The following MARCHF1 variants were observed in gnomAD, a reference collection of about 807,000 sequenced individuals.
The protein encoded by MARCHF1 is E3 ubiquitin-protein ligase MARCHF1.
A neutral mutation model predicts 54.2 loss-of-function variants in MARCHF1; 40 were observed. The observed-to-expected ratio is 0.74, with a 90% CI of 0.57 to 0.96. The LOEUF (loss-of-function observed/expected upper bound fraction) is 0.96, where lower values mean the gene tolerates loss of function less well. Ranked by LOEUF, MARCHF1 falls within the 40% of genes least tolerant of loss-of-function variation. The pLI is 0.00. For missense variants in MARCHF1, 586 were observed against 656.5 expected (o/e 0.89, Z 1.17); for synonymous variants, 236 against 236.3 (o/e 1.00, Z 0.01).
intron 1 of MARCHF1, among the ~76,000 whole-genome samples, chr4:164,168,117 C>A (rs1730427473): frequency 6.6e-6 from 1 of 151,830 alleles, no homozygotes; most frequent in Non-Finnish European, 1.5e-5. Context: ...ATCTGAACAG[C>A]CATTTCTCCA....
At chr4:164,001,978 T>A (rs1753194810) in intron 2 of MARCHF1, among the ~76,000 whole-genome samples, 1 of 151,766 alleles carries the variant, frequency 6.6e-6, no homozygotes, top group Admixed American at 6.6e-5. Flanking sequence ...ACTTATAGAA[T>A]CATAAGATAT....
intron 5 of MARCHF1, among the ~76,000 whole-genome samples, chr4:163,673,172 T>C (rs17044016): frequency 0.019 from 2,883 of 152,286 alleles, 93 homozygotes; most frequent in African/African-American, 0.066. Context: ...GCAACTAATT[T>C]TCATGTACTC....
At chr4:164,346,744 A>G (rs1232521022) in intron 1 of MARCHF1, among the ~76,000 whole-genome samples, 1 of 150,844 alleles carries the variant, frequency 6.6e-6, no homozygotes, top group Non-Finnish European at 1.5e-5. Flanking sequence ...ATGGAATTAA[A>G]CAATGGCTTT....
intron 1 of MARCHF1, among the ~76,000 whole-genome samples, chr4:164,368,941 G>A (rs1343827124): frequency 5.3e-5 from 8 of 152,182 alleles, no homozygotes; most frequent in Non-Finnish European, 1.0e-4. Flanking sequence ...TATTAGACAC[G>A]GAAACTTTAG....
intron 1 of MARCHF1, among the ~76,000 whole-genome samples, chr4:164,304,734 T>A: frequency 6.6e-6 from 1 of 152,284 alleles, no homozygotes; most frequent in Non-Finnish European, 1.5e-5. Context: ...AATATCTACA[T>A]GAAAATTTTG....
chr4:163,843,161 C>A (rs1222316624), intron 4 of MARCHF1, among the ~76,000 whole-genome samples: 1 of 152,082 alleles, frequency 6.6e-6, no homozygotes. Flanking sequence ...ATAATGGCCT[C>A]CAGTTGCATC....
intron 1 of MARCHF1, among the ~76,000 whole-genome samples, chr4:164,199,629 C>G (rs1019696057): frequency 1.6e-5 from 2 of 126,798 alleles, no homozygotes; most frequent in African/African-American, 3.4e-5. Flanking sequence ...GAGCAGGACT[C>G]TGTCACACAC....
intron 2 of MARCHF1, among the ~76,000 whole-genome samples, chr4:164,017,685 C>T (rs923208762): frequency 4.9e-4 from 74 of 151,626 alleles, no homozygotes; most frequent in Non-Finnish European, 6.6e-4. Context: ...TATTATTGTA[C>T]GTTTATTTGA....
intron 5 of MARCHF1, among the ~76,000 whole-genome samples, chr4:163,674,444 G>T (rs571090170): frequency 1.3e-5 from 2 of 152,224 alleles, no homozygotes; most frequent in South Asian, 4.1e-4. Flanking sequence ...TTTCTAAATC[G>T]CCTGGGCCAT....
chr4:163,645,864 T>C (rs1213515822), intron 5 of MARCHF1, among the ~76,000 whole-genome samples: 1 of 152,152 alleles, frequency 6.6e-6, no homozygotes, highest in African/African-American at 2.4e-5. Context: ...ATCATATTAA[T>C]ATATTGCTTT....
intron 5 of MARCHF1, among the ~76,000 whole-genome samples, chr4:163,666,881 G>A (rs1480067728): frequency 6.6e-6 from 1 of 151,986 alleles, no homozygotes; most frequent in Non-Finnish European, 1.5e-5. Flanking sequence ...TTGCATTTTT[G>A]ATGTTCTTGT....
chr4:163,575,433 G>T (rs1301103638), intron 8 of MARCHF1, among the ~76,000 whole-genome samples: 1 of 152,018 alleles, frequency 6.6e-6, no homozygotes, highest in Non-Finnish European at 1.5e-5. Context: ...TTAGGTTTTT[G>T]ATATCTGTTG....
chr4:163,543,480 G>A (rs984761531), intron 9 of MARCHF1, among the ~76,000 whole-genome samples: 6 of 151,756 alleles, frequency 4.0e-5, no homozygotes, highest in Non-Finnish European at 8.8e-5. Flanking sequence ...TATGCATTGC[G>A]ACACGCTGAG....
At chr4:164,079,908 C>T (rs1173051771) in intron 2 of MARCHF1, among the ~76,000 whole-genome samples, 2 of 152,080 alleles carry the variant, frequency 1.3e-5, no homozygotes, top group Non-Finnish European at 2.9e-5. Context: ...ACATTAATAT[C>T]AGTGTGATAG....
chr4:164,354,969 A>C (rs1403573278), intron 1 of MARCHF1, among the ~76,000 whole-genome samples: 1 of 133,752 alleles, frequency 7.5e-6, no homozygotes, highest in Admixed American at 7.8e-5. Flanking sequence ...ATACACCAAC[A>C]ACAGACAAAC....
intron 3 of MARCHF1, among the ~76,000 whole-genome samples, chr4:163,982,541 G>T (rs1011120435): frequency 1.3e-5 from 2 of 152,174 alleles, no homozygotes; most frequent in Non-Finnish European, 2.9e-5. Flanking sequence ...CCTTAATGTT[G>T]TAAGTGACAT....
intron 1 of MARCHF1, among the ~76,000 whole-genome samples, chr4:164,123,679 C>T (rs777612693): frequency 1.3e-5 from 2 of 151,952 alleles, no homozygotes; most frequent in South Asian, 4.2e-4. Flanking sequence ...GACAAAGATG[C>T]CAAGAACATA....
chr4:163,602,101 G>GGT (rs910748691), intron 7 of MARCHF1, among the ~76,000 whole-genome samples: 1 of 151,580 alleles, frequency 6.6e-6, no homozygotes, highest in Non-Finnish European at 1.5e-5. Flanking sequence ...TTTTTTATAA[G>GGT]GTGTGTGTGT....
intron 3 of MARCHF1, among the ~76,000 whole-genome samples, chr4:163,867,063 G>A (rs1750068225): frequency 6.6e-6 from 1 of 151,794 alleles, no homozygotes; most frequent in African/African-American, 2.4e-5. Flanking sequence ...ATTGCCTGGA[G>A]ATTAGGGTGA....
Sources: gnomAD v4.1 joint callset for allele counts (sites outside exome capture counted in the v4.1 genomes callset) on GRCh38, gnomAD v4.1.1 for gene constraint, MANE v1.5 for transcripts, NCBI Gene and HGNC (gene_info 2026-07-23, HGNC 2026-07-21) for gene names.